DST: variants seen among roughly 807,000 people sequenced by gnomAD.
The protein encoded by DST is dystonin.
Under a neutral mutation model 875.2 loss-of-function variants are expected in DST, and 253 were observed. That is an observed-to-expected ratio of 0.29 (90% confidence interval 0.26 to 0.32). The LOEUF (loss-of-function observed/expected upper bound fraction) is 0.32. DST is among the 10% of genes least tolerant of loss of function. DST has a pLI of 1.00. For synonymous variants in DST, 3,124 were observed against 3,197.1 expected (o/e 0.98, Z 0.77); for missense variants, 8,287 against 9,111.6 (o/e 0.91, Z 3.68).
intron 4 of DST, among the ~76,000 whole-genome samples, chr6:56,794,572 A>G (rs1382135257): frequency 6.6e-6 from 1 of 152,148 alleles, no homozygotes; most frequent in East Asian, 1.9e-4. Flanking sequence ...ACCTCACCAG[A>G]AAAGGATAGC....
intron 5 of DST, among the ~76,000 whole-genome samples, chr6:56,727,359 CTA>C (rs1407612856): frequency 6.6e-6 from 1 of 152,168 alleles, no homozygotes; most frequent in African/African-American, 2.4e-5. Flanking sequence ...CCTCCTGAGG[CTA>C]TGTCATGGGC....
intron 71 of DST, 31 bp from the exon 72 acceptor site, chr6:56,515,699 G>A: frequency 6.5e-7 from 1 of 1,538,106 alleles, no homozygotes; most frequent in Non-Finnish European, 8.8e-7. Flanking sequence ...ATGTTTAACT[G>A]GTCAGGCCAA....
At chr6:56,949,713 C>T (rs183489918) in intron 2 of DST, among the ~76,000 whole-genome samples, 168 of 152,186 alleles carry the variant, frequency 1.1e-3, no homozygotes, top group Non-Finnish European at 6.2e-4. Context: ...TTAATTTAGA[C>T]CTAAAACGTA....
intron 4 of DST, among the ~76,000 whole-genome samples, chr6:56,792,919 T>C (rs1486880218): frequency 6.6e-6 from 1 of 151,264 alleles, no homozygotes; most frequent in South Asian, 2.1e-4. Flanking sequence ...AATACAAAAA[T>C]GTAGCTAGGC....
intron 88 of DST, chr6:56,483,950 G>C (rs1488340977): frequency 1.3e-5 from 2 of 151,946 alleles, no homozygotes; most frequent in African/African-American, 4.8e-5. Context: ...CATGCAAATG[G>C]TACAGTATCT....
At chr6:56,468,250 G>T (rs2094690096) in intron 98 of DST, among the ~76,000 whole-genome samples, 1 of 152,072 alleles carries the variant, frequency 6.6e-6, no homozygotes, top group Admixed American at 6.5e-5. Flanking sequence ...TCATGATGTA[G>T]TGCCACTACA....
At chr6:56,677,048 G>A (rs573559470) in intron 9 of DST, among the ~76,000 whole-genome samples, 1 of 152,120 alleles carries the variant, frequency 6.6e-6, no homozygotes, top group Non-Finnish European at 1.5e-5. Flanking sequence ...CCTGAAAAAT[G>A]TAAGTACTGA....
intron 36 of DST, chr6:56,618,052 T>C (rs1008208006): frequency 1.2e-6 from 2 of 1,614,016 alleles, no homozygotes; most frequent in Non-Finnish European, 8.5e-7. Context: ...TAACAGGTGG[T>C]CTAGAATTGT....
At chr6:56,904,189 C>T (rs1795352063) in intron 2 of DST, among the ~76,000 whole-genome samples, 1 of 152,104 alleles carries the variant, frequency 6.6e-6, no homozygotes, top group South Asian at 2.1e-4. Context: ...GTGTATTATT[C>T]ATACTATCTA....
At chr6:56,884,656 C>T (rs73459707) in intron 3 of DST, among the ~76,000 whole-genome samples, 2,574 of 152,206 alleles carry the variant, frequency 0.017, 77 homozygotes, top group African/African-American at 0.058. Flanking sequence ...TCCAAGTTTA[C>T]TCCTGGTGCT....
chr6:56,647,305 A>T (rs889495279), intron 13 of DST, among the ~76,000 whole-genome samples: 5 of 152,072 alleles, frequency 3.3e-5, no homozygotes, highest in African/African-American at 1.2e-4. Flanking sequence ...CTGGAAAATT[A>T]CATGTCCATG....
intron 68 of DST, 97 bp from the exon 69 acceptor site, chr6:56,526,664 T>A: frequency 1.8e-6 from 2 of 1,113,460 alleles, no homozygotes; most frequent in Non-Finnish European, 2.6e-6. Flanking sequence ...GCGAATAATG[T>A]GATGCTTTGC....
chr6:56,661,318 G>A (rs2099039840), intron 10 of DST, among the ~76,000 whole-genome samples: 1 of 152,064 alleles, frequency 6.6e-6, no homozygotes, highest in Non-Finnish European at 1.5e-5. Context: ...TACATATACC[G>A]GCTGCTCCTG....
At chr6:56,628,209 AGGAGGGT>A in intron 32 of DST, 48 bp from the exon 33 acceptor site, 1 of 1,535,726 alleles carries the variant, frequency 6.5e-7, no homozygotes, top group African/African-American at 1.4e-5. Flanking sequence ...GATATCCATC[AGGAGGGT>A]GGAAGATGTA....
At chr6:56,932,542 A>G (rs568822951) in intron 2 of DST, among the ~76,000 whole-genome samples, 1 of 152,208 alleles carries the variant, frequency 6.6e-6, no homozygotes, top group East Asian at 1.9e-4. Context: ...AGGAGGGAAA[A>G]CAGCTGAACT....
At chr6:56,879,466 G>A (rs562685465) in intron 3 of DST, among the ~76,000 whole-genome samples, 1 of 139,942 alleles carries the variant, frequency 7.1e-6, no homozygotes, top group African/African-American at 2.9e-5. Context: ...GCGAGACTTC[G>A]TCTCGGAAAA....
intron 9 of DST, chr6:56,692,327 A>C: frequency 1.2e-6 from 1 of 856,906 alleles, no homozygotes; most frequent in East Asian, 6.3e-5. Context: ...ATTAGATGTC[A>C]GTCTGATGTG....
chr6:56,502,615 A>G (rs549095765), intron 78 of DST, among the ~76,000 whole-genome samples: 4 of 152,220 alleles, frequency 2.6e-5, no homozygotes, highest in East Asian at 3.9e-4. Context: ...ACTTCTAACC[A>G]GGCTGCTATA....
intron 2 of DST, among the ~76,000 whole-genome samples, chr6:56,922,327 C>T (rs1804723627): frequency 6.6e-6 from 1 of 152,176 alleles, no homozygotes; most frequent in Non-Finnish European, 1.5e-5. Flanking sequence ...TCCCTACCAA[C>T]ATCATGGTCC....
Sources: gnomAD v4.1 joint callset for allele counts (sites outside exome capture counted in the v4.1 genomes callset) on GRCh38, gnomAD v4.1.1 for gene constraint, MANE v1.5 for transcripts, NCBI Gene and HGNC (gene_info 2026-07-23, HGNC 2026-07-21) for gene names.